PRKG1: variants seen among roughly 807,000 people sequenced by gnomAD.
PRKG1 encodes the protein cGMP-dependent protein kinase 1.
PRKG1 carries 35 observed loss-of-function variants against 88.1 expected under a neutral mutation model. The observed-to-expected ratio is 0.40, with a 90% confidence interval of 0.30 to 0.53. PRKG1 has a LOEUF of 0.53. PRKG1 is among the 20% of genes least tolerant of loss of function. The probability of loss-of-function intolerance (pLI) is 0.59; values close to 1 mark genes in which losing one functional copy is unlikely to be tolerated. For missense variants in PRKG1, 540 were observed against 839.8 expected (o/e 0.64, Z 4.41); for synonymous variants, 303 against 292.5 (o/e 1.04, Z -0.37).
chr10:51,898,075 T>A (rs1841894548), intron 4 of PRKG1, among the ~76,000 whole-genome samples: 1 of 152,096 alleles, frequency 6.6e-6, no homozygotes, highest in Non-Finnish European at 1.5e-5. Flanking sequence ...TCTTTGCTAC[T>A]CCTGGAATCT....
At chr10:51,253,320 AG>A (rs2132145055) in intron 2 of PRKG1, among the ~76,000 whole-genome samples, 1 of 152,040 alleles carries the variant, frequency 6.6e-6, no homozygotes, top group Non-Finnish European at 1.5e-5. Context: ...CTACAAATCA[AG>A]ATCAGTGTTA....
intron 5 of PRKG1, among the ~76,000 whole-genome samples, chr10:51,955,832 A>T (rs760438482): frequency 7.9e-5 from 12 of 152,016 alleles, no homozygotes; most frequent in Non-Finnish European, 1.6e-4. Context: ...TTTTGTTTTT[A>T]GAGTTAAAGC....
intron 4 of PRKG1, among the ~76,000 whole-genome samples, chr10:51,868,794 A>G (rs1841083107): frequency 6.6e-6 from 1 of 152,192 alleles, no homozygotes; most frequent in Non-Finnish European, 1.5e-5. Context: ...GCCTGTATTA[A>G]TATATTTATT....
chr10:52,255,428 A>G (rs1841284544), intron 10 of PRKG1, among the ~76,000 whole-genome samples: 1 of 152,036 alleles, frequency 6.6e-6, no homozygotes, highest in Non-Finnish European at 1.5e-5. Context: ...TGCTTTAAAT[A>G]TTAGATATTT....
intron 2 of PRKG1, among the ~76,000 whole-genome samples, chr10:51,328,053 A>G (rs954736113): frequency 6.6e-6 from 1 of 152,192 alleles, no homozygotes; most frequent in Non-Finnish European, 1.5e-5. Flanking sequence ...AGGTTATACA[A>G]TAGATTTCTT....
chr10:51,665,288 C>G (rs1247839215), intron 3 of PRKG1, among the ~76,000 whole-genome samples: 2 of 151,868 alleles, frequency 1.3e-5, no homozygotes, highest in Non-Finnish European at 2.9e-5. Context: ...AAGAGGGTAC[C>G]TAATTTGCGG....
chr10:52,034,757 C>A (rs1398899624), intron 5 of PRKG1, among the ~76,000 whole-genome samples: 1 of 151,934 alleles, frequency 6.6e-6, no homozygotes, highest in South Asian at 2.1e-4. Flanking sequence ...TATGACTAGA[C>A]AGAAGATAGT....
chr10:52,052,100 T>G (rs1394641969), intron 5 of PRKG1, among the ~76,000 whole-genome samples: 1 of 152,178 alleles, frequency 6.6e-6, no homozygotes, highest in East Asian at 1.9e-4. Flanking sequence ...AATTTAAAAA[T>G]TCAGCTTCTG....
intron 3 of PRKG1, among the ~76,000 whole-genome samples, chr10:51,790,857 A>G (rs980990638): frequency 6.6e-6 from 1 of 152,144 alleles, no homozygotes; most frequent in African/African-American, 2.4e-5. Context: ...TTATGGTTCA[A>G]TTGCTCCTTT....
intron 2 of PRKG1, among the ~76,000 whole-genome samples, chr10:51,205,496 C>T (rs995380640): frequency 1.3e-5 from 2 of 151,582 alleles, no homozygotes; most frequent in Admixed American, 6.6e-5. Flanking sequence ...CCTGACATTT[C>T]GTATGACTTT....
Position 51,406,362 on chromosome 10 carries a change from G to A in PRKG1, c.479-61361G>A, listed in dbSNP as rs532832641. ...ACTCTTTTTTTCTTCATGGCATACC[G>A]TCTTCCTCATTGCTGTACTATCATT... On this transcript the variant is annotated intron_variant, in intron 2 of 17. Coordinates refer to ENST00000373980, the MANE Select transcript of PRKG1 (RefSeq NM_006258.4). Among the ~76,000 whole-genome samples the A allele has an allele frequency of 1.6e-4, 24 of 152,200 alleles. No individual in the cohort carries two copies. The South Asian group carries it at 2.5e-3, about 16-fold the overall frequency.
At chr10:51,980,219 C>T (rs1386040643) in intron 5 of PRKG1, among the ~76,000 whole-genome samples, 1 of 152,068 alleles carries the variant, frequency 6.6e-6, no homozygotes, top group Non-Finnish European at 1.5e-5. Flanking sequence ...TTGATTTCTA[C>T]CTTAATTTAA....
At chr10:51,339,656 G>A (rs962676855) in intron 2 of PRKG1, among the ~76,000 whole-genome samples, 10 of 151,548 alleles carry the variant, frequency 6.6e-5, no homozygotes, top group African/African-American at 9.7e-5. Context: ...ATATAAGTTC[G>A]TGTAGTATAT....
At chr10:51,299,758 A>G (rs578194434) in intron 2 of PRKG1, 8 of 369,438 alleles carry the variant, frequency 2.2e-5, no homozygotes, top group Non-Finnish European at 4.1e-5. Flanking sequence ...ATAAGCTTCT[A>G]TTATACCTCA....
chr10:51,330,231 A>G (rs1241867970), intron 2 of PRKG1, among the ~76,000 whole-genome samples: 1 of 145,316 alleles, frequency 6.9e-6, no homozygotes, highest in South Asian at 2.2e-4. Context: ...GCTCACTGCA[A>G]CCTCCACCTC....
rs536378808 is a variant in PRKG1, at chr10:52,155,188, C to T, written c.1002-6701C>T. ...GGATTGCTGCACTGAAATCCCAGTA[C>T]TACTTTAAAAGTTCTACTTTTAATT... On this transcript the variant is annotated intron_variant, in intron 8 of 17. Coordinates refer to ENST00000373980, the MANE Select transcript of PRKG1 (RefSeq NM_006258.4). Among the ~76,000 whole-genome samples, 320 of 151,900 alleles carry T rather than the reference C, an allele frequency of 2.1e-3. 2 individuals carry two copies. The highest frequency in any genetic ancestry group is 7.4e-3 in the African/African-American group (307 of 41,464).
Position 52,054,479 on chromosome 10 carries a change from T to G in PRKG1, c.763-5T>G. ...ATTTTTTTTCTTATTGTTTCTACTT[T>G]TCAGACCCACTATGAAAATGGAGAA... On this transcript the variant is annotated splice_region_variant and splice_polypyrimidine_tract_variant and intron_variant, in intron 5 of 17. Transcript: ENST00000373980. 1 of 1,611,740 alleles carries G rather than the reference T, an allele frequency of 6.2e-7. No individual in the cohort carries two copies. Among genetic ancestry groups the G allele is most frequent in the Non-Finnish European group, 8.5e-7 (1 of 1,178,224 alleles).
At chr10:51,495,600 A>G (rs1413078969) in intron 3 of PRKG1, among the ~76,000 whole-genome samples, 1 of 152,238 alleles carries the variant, frequency 6.6e-6, no homozygotes, top group Non-Finnish European at 1.5e-5. Context: ...AAATAGACTA[A>G]TTTATATTTC....
chr10:51,529,907 C>T (rs370274091), intron 3 of PRKG1, among the ~76,000 whole-genome samples: 70 of 152,222 alleles, frequency 4.6e-4, no homozygotes, highest in African/African-American at 1.6e-3. Flanking sequence ...CATTATGAAA[C>T]AAGTCTTTAT....
Sources: allele counts gnomAD v4.1 joint callset (sites outside exome capture counted in the v4.1 genomes callset), GRCh38; gene constraint gnomAD v4.1.1; transcripts MANE v1.5; gene names NCBI Gene and HGNC (gene_info 2026-07-23, HGNC 2026-07-21).